The following ELF4 variants were observed in gnomAD, a reference collection of about 807,000 sequenced individuals.
The protein encoded by ELF4 is E74 like ETS transcription factor 4.
ELF4 carries 10 observed loss-of-function variants against 31.7 expected under a neutral mutation model. That is an observed-to-expected ratio of 0.32 (90% confidence interval 0.19 to 0.54). The LOEUF (loss-of-function observed/expected upper bound fraction) is 0.54, where lower values mean the gene tolerates loss of function less well. Ranked by LOEUF, ELF4 falls within the 20% of genes least tolerant of loss-of-function variation. ELF4 has a pLI of 0.95. For synonymous variants in ELF4, 208 were observed against 226.7 expected (o/e 0.92, Z 0.74); for missense variants, 418 against 522.0 (o/e 0.80, Z 1.94).
At chrX:130,090,854 C>T (rs1270548501) in intron 1 of ELF4, among the ~76,000 whole-genome samples, 1 of 111,847 alleles carries the variant, frequency 8.9e-6, no homozygotes, top group African/African-American at 3.3e-5. Flanking sequence ...GATCTGTCAC[C>T]CAGGTTGGAG....
chrX:130,072,349 G>A lies in ELF4; in HGVS notation c.409C>T (p.Pro137Ser). ...PAVTLPNYLF[P>S]ASEPDALNRA... ...TTCAGGGCATCGGGCTCAGAGGCAGGAAACAGGTAGTTGGGCAGAGTGACA... is the reference window on the plus strand; with the variant it reads ...TTCAGGGCATCGGGCTCAGAGGCAGAAAACAGGTAGTTGGGCAGAGTGACA... The change falls in exon 5 of 9, where the codon CCT becomes TCT. Residue 137 changes from proline to serine, a missense_variant. By Grantham distance (74) the Pro-to-Ser change is moderately conservative. Coordinates refer to ENST00000308167, the MANE Select transcript of ELF4 (RefSeq NM_001421.4). 1 of 1,212,423 alleles carries A rather than the reference G, an allele frequency of 8.2e-7. No individual in the cohort carries two copies. The highest frequency in any genetic ancestry group is 1.8e-5 in the South Asian group (1 of 57,041).
chrX:130,105,820 G>A (rs1448812843), intron 1 of ELF4, among the ~76,000 whole-genome samples: 1 of 107,583 alleles, frequency 9.3e-6, no homozygotes, highest in African/African-American at 3.4e-5. Context: ...AGTGCCCTAC[G>A]TCTCCCCTGC....
chrX:130,110,223 G>A (rs887010303), intron 1 of ELF4, 102 bp downstream of exon 1: 14 of 110,866 alleles, frequency 1.3e-4, no homozygotes, highest in Admixed American at 9.3e-5. Flanking sequence ...GCCCTTCCCT[G>A]GGCCCCCAGC....
At chrX:130,102,104 CG>C (rs1569410342) in intron 1 of ELF4, among the ~76,000 whole-genome samples, 2 of 111,997 alleles carry the variant, frequency 1.8e-5, no homozygotes, top group African/African-American at 6.5e-5. Context: ...TGAGATCGCA[CG>C]ACTGGCACTC....
chrX:130,074,450 G>A, intron 3 of ELF4, 131 bp downstream of exon 3: 1 of 905,354 alleles, frequency 1.1e-6, no homozygotes, highest in African/African-American at 1.9e-5. Context: ...CCTCTGTGAA[G>A]CAGCACAACT....
intron 7 of ELF4, among the ~76,000 whole-genome samples, chrX:130,070,163 C>T (rs1037058738): frequency 5.4e-5 from 6 of 111,876 alleles, no homozygotes; most frequent in Non-Finnish European, 1.1e-4. Flanking sequence ...AGGCCAGGCG[C>T]GGTGGCTCAC....
rs1452283588 is a variant in ELF4, at chrX:130,065,397, C to T, written c.*1324G>A. 5 of 173,580 alleles carry T rather than the reference C, an allele frequency of 2.9e-5. No homozygotes were observed. The highest frequency in any genetic ancestry group is 2.4e-4 in the East Asian group (3 of 12,335). 14.3% of individuals were successfully genotyped at this position (173,580 alleles called of 1,213,427 possible). A position where few individuals can be genotyped will look rare whatever the true frequency, so the allele number is the denominator to read the frequency against. On this transcript the variant is annotated 3_prime_UTR_variant, in exon 9 of 9. Transcript: ENST00000308167. Reference sequence around the variant, plus strand: ...GAGCCACGAAGAGAGAGAGGTGCCACGGGAACTCCTGGCTGCCGACTCCCG... The same window carrying T: ...GAGCCACGAAGAGAGAGAGGTGCCATGGGAACTCCTGGCTGCCGACTCCCG...
intron 1 of ELF4, among the ~76,000 whole-genome samples, chrX:130,108,910 G>A (rs1933423549): frequency 9.0e-6 from 1 of 110,865 alleles, no homozygotes; most frequent in Non-Finnish European, 1.9e-5. Flanking sequence ...AGCTGGCTGG[G>A]ATAGGAAGTC....
chrX:130,100,707 A>G (rs1437841666), intron 1 of ELF4, among the ~76,000 whole-genome samples: 2 of 111,922 alleles, frequency 1.8e-5, no homozygotes, highest in African/African-American at 6.5e-5. Flanking sequence ...CACAAGATTT[A>G]TTAATCCCAC....
intron 1 of ELF4, among the ~76,000 whole-genome samples, chrX:130,107,274 T>C (rs1347042661): frequency 3.7e-5 from 4 of 106,675 alleles, no homozygotes; most frequent in Non-Finnish European, 5.7e-5. Flanking sequence ...CAAGACTCCA[T>C]CTCAAAAAGA....
chrX:130,108,571 T>G (rs1221870851), intron 1 of ELF4, among the ~76,000 whole-genome samples: 1 of 110,753 alleles, frequency 9.0e-6, no homozygotes, highest in Non-Finnish European at 1.9e-5. Context: ...GCACCCTCTA[T>G]TTTAGATCCC....
chrX:130,073,853 G>A (rs1299488445), intron 4 of ELF4, among the ~76,000 whole-genome samples, 196 bp downstream of exon 4: 6 of 112,451 alleles, frequency 5.3e-5, no homozygotes, highest in African/African-American at 1.9e-4. Context: ...CAACATGGAT[G>A]GACTTTGAGG....
intron 1 of ELF4, among the ~76,000 whole-genome samples, chrX:130,083,275 C>A (rs1418186639): frequency 1.0e-5 from 1 of 98,578 alleles, no homozygotes; most frequent in East Asian, 3.2e-4. Context: ...CACCACCCCA[C>A]CCCCACCAGA....
chrX:130,074,026 C>T, intron 4 of ELF4, 23 bp downstream of exon 4: 2 of 1,197,565 alleles, frequency 1.7e-6, no homozygotes, highest in Non-Finnish European at 2.3e-6. Context: ...GCCTTGAGTT[C>T]AGGCACTGGG....
At chrX:130,103,095 A>G (rs1314268661) in intron 1 of ELF4, among the ~76,000 whole-genome samples, 9 of 111,819 alleles carry the variant, frequency 8.0e-5, no homozygotes, top group Non-Finnish European at 3.8e-5. Flanking sequence ...AGAAAATATG[A>G]GACAAAATAT....
chrX:130,107,207 G>A (rs1933393705), intron 1 of ELF4, among the ~76,000 whole-genome samples: 1 of 111,624 alleles, frequency 9.0e-6, no homozygotes, highest in African/African-American at 3.3e-5. Flanking sequence ...GGGCCTGGGA[G>A]GCAGAGCTTG....
At chrX:130,078,701 G>A (rs1432317297) in intron 2 of ELF4, among the ~76,000 whole-genome samples, 1 of 109,218 alleles carries the variant, frequency 9.2e-6, no homozygotes, top group Non-Finnish European at 1.9e-5. Context: ...AGATTGCAGT[G>A]AGCCGAGATC....
Position 130,096,177 on chromosome X carries a change from T to G in ELF4, c.-210+14148A>C, listed in dbSNP as rs189976719. Among the ~76,000 whole-genome samples, 11 of 110,917 alleles carry G rather than the reference T, an allele frequency of 9.9e-5. No individual in the cohort carries two copies. In the Admixed American group the frequency reaches 1.0e-3, roughly 11 times the overall value. On this transcript the variant is annotated intron_variant, in intron 1 of 8. Coordinates refer to ENST00000308167, the MANE Select transcript of ELF4 (RefSeq NM_001421.4). The stretch of plus-strand genomic sequence containing the variant: ...TGGGGGTGATGAAAATGTTTTGGGT[T>G]TTTTTTTGTTTTGTTTTGTTTTTGA...
At position 130,066,805 on chromosome X, in the gene ELF4, G is replaced by A; in HGVS notation, c.1908C>T (p.Ser636=). ...MAEPSVTTSG[S]LLTRSPTPAP... is the part of the protein sequence containing the mutation. ...CTGGGGTGGGGGATCTTGTCAGAAGGCTCCCAGATGTGGTCACACTAGGCT... is the reference window on the plus strand; with the variant it reads ...CTGGGGTGGGGGATCTTGTCAGAAGACTCCCAGATGTGGTCACACTAGGCT... Residue 636 remains serine (S), a synonymous_variant, in exon 9 of 9, where the codon AGC becomes AGT. Transcript: ENST00000308167. 2.5e-6 allele frequency: 3 copies of A among 1,208,381 alleles called. No individual in the cohort carries two copies. Among genetic ancestry groups the A allele is most frequent in the Non-Finnish European group, 3.4e-6 (3 of 893,516 alleles).
Sources: gnomAD v4.1 joint callset for allele counts (sites outside exome capture counted in the v4.1 genomes callset) on GRCh38, gnomAD v4.1.1 for gene constraint, MANE v1.5 for transcripts, NCBI Gene and HGNC (gene_info 2026-07-23, HGNC 2026-07-21) for gene names.